Variants in COBLL1 observed in about 807,000 individuals in gnomAD.
COBLL1 encodes cordon-bleu WH2 repeat protein like 1.
A neutral mutation model predicts 94.8 loss-of-function variants in COBLL1; 50 were observed. The ratio of observed to expected loss-of-function variants is 0.53; its 90% CI spans 0.42 to 0.67. The LOEUF is 0.67. Among genes scored for constraint, COBLL1 ranks in the 30% least tolerant of loss-of-function variants. The pLI is 0.00. For missense variants in COBLL1, 1,362 were observed against 1,348.7 expected (o/e 1.01, Z -0.15); for synonymous variants, 448 against 473.8 (o/e 0.95, Z 0.71).
At chr2:164,663,075 C>A (rs997625612) in intron 2 of COBLL1, among the ~76,000 whole-genome samples, 4 of 152,094 alleles carry the variant, frequency 2.6e-5, no homozygotes, top group African/African-American at 7.2e-5. Flanking sequence ...CTTTTCAGGG[C>A]AGGGTTTTAG....
intron 2 of COBLL1, among the ~76,000 whole-genome samples, chr2:164,779,339 G>A (rs1688629196): frequency 6.6e-6 from 1 of 152,052 alleles, no homozygotes; most frequent in Non-Finnish European, 1.5e-5. Flanking sequence ...CATCAGAACT[G>A]TCCTGCTCTC....
intron 2 of COBLL1, among the ~76,000 whole-genome samples, chr2:164,749,064 T>C (rs1032495114): frequency 1.3e-5 from 2 of 152,122 alleles, no homozygotes; most frequent in Non-Finnish European, 2.9e-5. Context: ...CTGTAATCAT[T>C]ACTCCATTAC....
intron 7 of COBLL1, among the ~76,000 whole-genome samples, chr2:164,717,670 C>CA (rs1286179982): frequency 3.3e-5 from 5 of 152,204 alleles, no homozygotes; most frequent in Admixed American, 3.3e-4. Flanking sequence ...CCTCCCACCT[C>CA]AGCCTCCTGA....
chr2:164,710,161 TTG>T (rs1313285311), intron 7 of COBLL1, among the ~76,000 whole-genome samples: 2 of 152,112 alleles, frequency 1.3e-5, no homozygotes, highest in East Asian at 3.9e-4. Flanking sequence ...AAAAATCAAA[TTG>T]TGTGTTAACT....
chr2:164,710,267 G>A (rs1442037862), intron 7 of COBLL1, among the ~76,000 whole-genome samples: 1 of 151,966 alleles, frequency 6.6e-6, no homozygotes, highest in Non-Finnish European at 1.5e-5. Context: ...GGGGAGGCGC[G>A]GTAAAGTCTG....
At chr2:164,697,905 T>C (rs948295586) in intron 11 of COBLL1, 12 of 152,050 alleles carry the variant, frequency 7.9e-5, no homozygotes, top group Admixed American at 2.0e-4. Flanking sequence ...TATACTATAG[T>C]GACCCTCTAC....
intron 2 of COBLL1, among the ~76,000 whole-genome samples, chr2:164,759,718 C>G (rs544469474): frequency 5.9e-5 from 9 of 152,234 alleles, no homozygotes; most frequent in African/African-American, 2.2e-4. Flanking sequence ...AACTCCATAG[C>G]AAGAAACAAT....
rs77059095 is a variant in COBLL1, at chr2:164,801,000, T to C, written c.41+40156A>G. Among the ~76,000 whole-genome samples, 472 of 152,204 alleles carry C rather than the reference T, an allele frequency of 3.1e-3. 6 individuals carry two copies. Among genetic ancestry groups the C allele is most frequent in the African/African-American group, 0.011 (438 of 41,548 alleles). ...GAATTTTGTAAACATGTGCATGGGT[T>C]AAAACTCCTAGCACTGGAGCTGGGT... On this transcript the variant is annotated intron_variant, in intron 2 of 13. Transcript: ENST00000652658.
In COBLL1 at chr2:164,791,645, C is replaced by A. The variant is rs534552504; in HGVS notation, c.42-47770G>T. On this transcript the variant is annotated intron_variant, in intron 2 of 13. Coordinates refer to ENST00000652658, the MANE Select transcript of COBLL1 (RefSeq NM_001365672.2). ...CTTCTCTTCTCAGGCTCCCTTACAT[C>A]CAGACATCTGTTAATTAGATATGCC... Among the ~76,000 whole-genome samples the A allele has an allele frequency of 3.3e-4, 51 of 152,296 alleles. No individual in the cohort carries two copies. In the South Asian group the frequency reaches 3.5e-3, roughly 11 times the overall value.
At chr2:164,796,513 ACT>A (rs1169930842) in intron 2 of COBLL1, among the ~76,000 whole-genome samples, 1 of 151,920 alleles carries the variant, frequency 6.6e-6, no homozygotes, top group East Asian at 1.9e-4. Context: ...ATAGGAATAA[ACT>A]CTGCAGAAGT....
rs1297766303 is a variant in COBLL1, at chr2:164,694,664, G to A, written c.2728C>T (p.Pro910Ser). The change falls in exon 12 of 14, where the codon CCT (proline) becomes TCT (serine). Residue 910 changes from proline (P) to serine (S), a missense_variant. Physicochemically the swap from Pro to Ser is moderately conservative, Grantham distance 74 (BLOSUM62 -1). Coordinates refer to ENST00000652658, the MANE Select transcript of COBLL1 (RefSeq NM_001365672.2). ...TNKEAERDML[P>S]SPEQTLSPLS... ...GGAGAAAGAGTCTGCTCCGGAGAAG[G>A]CAGCATATCCCTTTCTGCCTCTTTA... 6.2e-7 allele frequency: 1 copy of A among 1,613,628 alleles called. No homozygotes were observed. Among genetic ancestry groups the A allele is most frequent in the Admixed American group, 1.7e-5 (1 of 59,892 alleles).
intron 13 of COBLL1, 26 bp from the exon 14 acceptor site, chr2:164,686,058 C>T: frequency 1.5e-6 from 2 of 1,378,110 alleles, no homozygotes; most frequent in Non-Finnish European, 1.0e-6. Flanking sequence ...ACACTTTGCA[C>T]CCATCAATTT....
At chr2:164,821,827 A>G (rs1166101686) in intron 2 of COBLL1, among the ~76,000 whole-genome samples, 1 of 152,188 alleles carries the variant, frequency 6.6e-6, no homozygotes, top group African/African-American at 2.4e-5. Flanking sequence ...GAGTTACAAA[A>G]CTACTTTATT....
intron 2 of COBLL1, among the ~76,000 whole-genome samples, chr2:164,750,772 T>C (rs557086314): frequency 6.6e-6 from 1 of 152,294 alleles, no homozygotes; most frequent in East Asian, 1.9e-4. Flanking sequence ...AGCCTGGTGG[T>C]TCTCAAAGTA....
rs763315441 is a variant in COBLL1, at chr2:164,728,203, A to G, written c.433-6T>C. On this transcript the variant is annotated splice_polypyrimidine_tract_variant and splice_region_variant and intron_variant, in intron 4 of 13. Coordinates refer to ENST00000652658, the MANE Select transcript of COBLL1 (RefSeq NM_001365672.2). ...ATCACTACTCTCACAGTTTTCTGAA[A>G]CACATATTAAAGCCATAGTTGTACC... The G allele has an allele frequency of 6.4e-7, 1 of 1,572,312 alleles. No individual in the cohort carries two copies. The highest frequency in any genetic ancestry group is 8.8e-7 in the Non-Finnish European group (1 of 1,142,522).
At chr2:164,832,338 A>G (rs530620982) in intron 2 of COBLL1, among the ~76,000 whole-genome samples, 2 of 152,372 alleles carry the variant, frequency 1.3e-5, no homozygotes, top group East Asian at 1.9e-4. Context: ...ATACCAGAAT[A>G]CCTACCAATT....
chr2:164,784,211 T>C (rs190673237), intron 2 of COBLL1, among the ~76,000 whole-genome samples: 1 of 152,316 alleles, frequency 6.6e-6, no homozygotes, highest in Non-Finnish European at 1.5e-5. Flanking sequence ...AGTTTTCATT[T>C]ATGCATGTTT....
At chr2:164,797,570 T>C (rs181885565) in intron 2 of COBLL1, among the ~76,000 whole-genome samples, 2 of 152,318 alleles carry the variant, frequency 1.3e-5, no homozygotes, top group East Asian at 3.9e-4. Flanking sequence ...GACCTTAAAG[T>C]CTAGGCTTTT....
chr2:164,671,121 T>A (rs916119399), intron 1 of COBLL1, among the ~76,000 whole-genome samples: 2 of 152,192 alleles, frequency 1.3e-5, no homozygotes, highest in South Asian at 4.1e-4. Context: ...CTCCTTTCTA[T>A]ATATAATGCT....
Sources: allele counts gnomAD v4.1 joint callset (sites outside exome capture counted in the v4.1 genomes callset), GRCh38; gene constraint gnomAD v4.1.1; transcripts MANE v1.5; gene names NCBI Gene and HGNC (gene_info 2026-07-23, HGNC 2026-07-21).